The following TICRR variants were observed in gnomAD, a reference collection of about 807,000 sequenced individuals.
TICRR encodes TOPBP1 interacting checkpoint and replication regulator, also known as treslin.
Under a neutral mutation model 178.1 loss-of-function variants are expected in TICRR, and 132 were observed. The observed-to-expected ratio is 0.74, with a 90% confidence interval of 0.64 to 0.86. The LOEUF is 0.86. Among genes scored for constraint, TICRR ranks in the 40% least tolerant of loss-of-function variants. The probability of loss-of-function intolerance (pLI) is 0.00; values close to 1 mark genes in which losing one functional copy is unlikely to be tolerated. For synonymous variants in TICRR, 991 were observed against 900.7 expected (o/e 1.10, Z -1.79); for missense variants, 2,587 against 2,334.3 (o/e 1.11, Z -2.23).
At chr15:89,610,899 T>C (rs1391308641) in intron 15 of TICRR, among the ~76,000 whole-genome samples, 1 of 152,174 alleles carries the variant, frequency 6.6e-6, no homozygotes, top group Non-Finnish European at 1.5e-5. Flanking sequence ...CATCTTAAGC[T>C]TAAAAGAACC....
chr15:89,586,372 A>AT (rs1962823985), intron 4 of TICRR, among the ~76,000 whole-genome samples: 1 of 151,922 alleles, frequency 6.6e-6, no homozygotes, highest in Non-Finnish European at 1.5e-5. Flanking sequence ...ATATATATAT[A>AT]AAATCAACTT....
intron 7 of TICRR, among the ~76,000 whole-genome samples, chr15:89,595,847 A>G (rs546431623): frequency 1.3e-4 from 20 of 152,258 alleles, no homozygotes; most frequent in African/African-American, 4.3e-4. Flanking sequence ...TGGGAGACAG[A>G]GCGAGACTCT....
Position 89,626,010 on chromosome 15 carries a change from C to T in TICRR, c.5551C>T (p.Pro1851Ser). Residue 1851 changes from proline (P) to serine (S), a missense_variant, in exon 21 of 22, where the codon CCG becomes TCG. Transcript: ENST00000268138. Reference sequence around the variant, plus strand: ...TGCCCTCCAGGCTCTGACCCAGTCTCCGCTGCTGTTCCAGGGGAAAACACC... The same window carrying T: ...TGCCCTCCAGGCTCTGACCCAGTCTTCGCTGCTGTTCCAGGGGAAAACACC... ...ASALQALTQS[P>S]LLFQGKTPSS... 6.2e-7 allele frequency: 1 copy of T among 1,613,120 alleles called. No homozygotes were observed.
chr15:89,599,855 A>T (rs1963064452), intron 8 of TICRR, among the ~76,000 whole-genome samples: 1 of 152,140 alleles, frequency 6.6e-6, no homozygotes, highest in Non-Finnish European at 1.5e-5. Flanking sequence ...CGCCTGTAAT[A>T]CCAGCACTTT....
chr15:89,626,184 G>C, intron 21 of TICRR, 123 bp downstream of exon 21: 1 of 1,044,534 alleles, frequency 9.6e-7, no homozygotes, highest in East Asian at 2.6e-5. Context: ...AGGTGACTTC[G>C]CGCCTACAGC....
intron 2 of TICRR, 36 bp downstream of exon 2, chr15:89,583,001 A>G (rs574782480): frequency 6.9e-7 from 1 of 1,450,254 alleles, no homozygotes; most frequent in Non-Finnish European, 9.3e-7. Context: ...TTTTTTTTTT[A>G]AATCTCAGTT....
intron 21 of TICRR, among the ~76,000 whole-genome samples, chr15:89,626,439 C>T (rs545635714): frequency 1.1e-3 from 165 of 152,284 alleles, no homozygotes; most frequent in African/African-American, 3.9e-3. Flanking sequence ...TCTGTATATT[C>T]GGTGGGACAC....
chr15:89,615,539 T>A (rs1963321798), intron 15 of TICRR, among the ~76,000 whole-genome samples: 1 of 152,224 alleles, frequency 6.6e-6, no homozygotes, highest in Non-Finnish European at 1.5e-5. Flanking sequence ...TGTTCAGAGT[T>A]CTGGAAAAGA....
rs780832989 is a variant in TICRR at position 89,624,855 on chromosome 15, T to C, written c.4545T>C (p.Pro1515=). 173 of 1,613,922 alleles carry C rather than the reference T, an allele frequency of 1.1e-4. No individual in the cohort carries two copies. The highest frequency in any genetic ancestry group is 1.5e-4 in the Admixed American group (9 of 60,004). Residue 1515 remains proline (P), a synonymous_variant, in exon 20 of 22, where the codon CCT becomes CCC. Coordinates refer to ENST00000268138, the MANE Select transcript of TICRR (RefSeq NM_152259.4). The part of the protein sequence containing the change: ...GIPPSPPSCG[P]GSPLMPSRDV... ...CCCCATCTCCTCCTTCCTGTGGGCC[T>C]GGCTCTCCTCTGATGCCTTCCCGTG...
chr15:89,606,689 G>C, intron 13 of TICRR, 79 bp from the exon 14 acceptor site: 3 of 1,133,372 alleles, frequency 2.6e-6, no homozygotes, highest in Non-Finnish European at 4.0e-6. Context: ...AAGAGTCAAA[G>C]AGTTCATGTG....
rs1243803824 is a variant in TICRR at position 89,585,950 on chromosome 15, C to T, written c.1411+8C>T. On this transcript the variant is annotated splice_region_variant and intron_variant, in intron 4 of 21. Transcript: ENST00000268138. Reference sequence around the variant, plus strand: ...CAGATACTGCTTCTGCTGGTAAGCTCCTAAACTAGTAACTAACAGAGTCTA... The same window carrying T: ...CAGATACTGCTTCTGCTGGTAAGCTTCTAAACTAGTAACTAACAGAGTCTA... 1.9e-6 allele frequency: 3 copies of T among 1,610,254 alleles called. No homozygotes were observed. Among genetic ancestry groups the T allele is most frequent in the South Asian group, 1.1e-5 (1 of 90,990 alleles).
Position 89,624,834 on chromosome 15 carries a change from A to T in TICRR, c.4524A>T (p.Pro1508=). Residue 1508 remains proline (P), a synonymous_variant, in exon 20 of 22, where the codon CCA becomes CCT. Coordinates refer to ENST00000268138, the MANE Select transcript of TICRR (RefSeq NM_152259.4). The part of the protein sequence containing the change: ...KSSLSHPGIP[P]SPPSCGPGSP... ...CTCTGTCTCACCCTGGGATTCCCCC[A>T]TCTCCTCCTTCCTGTGGGCCTGGCT... 6.2e-7 allele frequency: 1 copy of T among 1,614,120 alleles called. No individual in the cohort carries two copies. Among genetic ancestry groups the T allele is most frequent in the Non-Finnish European group, 8.5e-7 (1 of 1,180,020 alleles).
intron 1 of TICRR, among the ~76,000 whole-genome samples, chr15:89,576,761 C>T (rs1016476566): frequency 6.7e-6 from 1 of 149,468 alleles, no homozygotes; most frequent in Non-Finnish European, 1.5e-5. Context: ...TCTAAAAATA[C>T]CTCAGAGGCA....
chr15:89,601,611 C>T, intron 11 of TICRR, 43 bp downstream of exon 11: 2 of 1,611,254 alleles, frequency 1.2e-6, no homozygotes, highest in Non-Finnish European at 1.7e-6. Flanking sequence ...ATTGTTTTGT[C>T]AAAACCTATG....
chr15:89,586,031 ACC>A, intron 4 of TICRR, 89 bp downstream of exon 4: 1 of 867,904 alleles, frequency 1.2e-6, no homozygotes, highest in South Asian at 1.5e-5. Flanking sequence ...AGTTAGTAGA[ACC>A]CCAATATGTT....
Position 89,619,743 on chromosome 15 carries a change from T to C in TICRR, c.3055T>C (p.Leu1019=). The C allele has an allele frequency of 6.2e-7, 1 of 1,613,756 alleles. No homozygotes were observed. Among genetic ancestry groups the C allele is most frequent in the Non-Finnish European group, 8.5e-7 (1 of 1,179,944 alleles). The change falls in exon 18 of 22, where the codon TTG becomes CTG. Residue 1019 remains leucine, a synonymous_variant. Coordinates refer to ENST00000268138, the MANE Select transcript of TICRR (RefSeq NM_152259.4). ...SLRRSPRIKQ[L]SFSRTHSASF... is the part of the protein sequence containing the mutation. ...GAGACGAAGTCCTCGAATCAAGCAG[T>C]TGTCATTTAGCAGGACACATTCTGC...
intron 16 of TICRR, 99 bp downstream of exon 16, chr15:89,616,594 A>G: frequency 1.1e-6 from 1 of 881,272 alleles, no homozygotes. Flanking sequence ...CATGACTTAA[A>G]TCTTAACTAT....
intron 7 of TICRR, 120 bp downstream of exon 7, chr15:89,595,731 C>T (rs1335733561): frequency 1.5e-6 from 1 of 683,168 alleles, no homozygotes; most frequent in African/African-American, 1.8e-5. Context: ...ATGGTGAATA[C>T]AGTAAATAAT....
Position 89,583,107 on chromosome 15 carries a change from A to G in TICRR, c.934+142A>G, listed in dbSNP as rs1596039444. The G allele has an allele frequency of 5.4e-6, 5 of 921,454 alleles. 1 individual carries two copies. In the East Asian group the frequency reaches 1.1e-4, roughly 20 times the overall value. The allele number at this position is 921,454 out of a possible 1,614,324, so 57.1% of individuals were successfully genotyped here. A position where few individuals can be genotyped will look rare whatever the true frequency, so the allele number is the denominator to read the frequency against. ...TGTCATGAAAGAATTAAAAGACATCAAGGCAAAATCAGAGATACTGTAGGA... is the reference window on the plus strand; with the variant it reads ...TGTCATGAAAGAATTAAAAGACATCGAGGCAAAATCAGAGATACTGTAGGA... On this transcript the variant is annotated intron_variant, in intron 2 of 21. Transcript: ENST00000268138.
Sources: gnomAD v4.1 joint callset for allele counts (sites outside exome capture counted in the v4.1 genomes callset) on GRCh38, gnomAD v4.1.1 for gene constraint, MANE v1.5 for transcripts, NCBI Gene and HGNC (gene_info 2026-07-23, HGNC 2026-07-21) for gene names.